COL4A5: variants seen among roughly 807,000 people sequenced by gnomAD.
COL4A5 encodes the protein collagen type IV alpha 5 chain, also known as collagen alpha-5(IV) chain.
Under a neutral mutation model 130.2 loss-of-function variants are expected in COL4A5, and 26 were observed. That is an observed-to-expected ratio of 0.20 (90% CI 0.15 to 0.28). COL4A5 has a LOEUF of 0.28. COL4A5 is among the 10% of genes least tolerant of loss of function. COL4A5 has a pLI of 1.00. For synonymous variants in COL4A5, 496 were observed against 439.6 expected (o/e 1.13, Z -1.60); for missense variants, 1,131 against 1,344.3 (o/e 0.84, Z 2.48).
At chrX:108,552,452 T>C (rs1420481404) in intron 2 of COL4A5, among the ~76,000 whole-genome samples, 1 of 111,806 alleles carries the variant, frequency 8.9e-6, no homozygotes, top group African/African-American at 3.2e-5. Context: ...ATAAAGTTGT[T>C]ATGAACATTT....
chrX:108,660,855 C>A (rs1238063724), intron 37 of COL4A5, among the ~76,000 whole-genome samples: 1 of 111,633 alleles, frequency 9.0e-6, no homozygotes, highest in Admixed American at 9.5e-5. Flanking sequence ...AACAACAAAC[C>A]ACGTATATGG....
intron 1 of COL4A5, among the ~76,000 whole-genome samples, chrX:108,475,501 A>G (rs1248000967): frequency 9.0e-6 from 1 of 111,632 alleles, no homozygotes; most frequent in Non-Finnish European, 1.9e-5. Flanking sequence ...CAGTGAGATC[A>G]GACATCCTCA....
chrX:108,593,473 C>T (rs974935508), intron 21 of COL4A5, among the ~76,000 whole-genome samples: 17 of 110,914 alleles, frequency 1.5e-4, no homozygotes, highest in Admixed American at 1.0e-3. Context: ...ACTTTTTATG[C>T]ACTGTTTTAG....
At position 108,568,774 on chromosome X, in the gene COL4A5, G is replaced by A. The variant is rs757442319; in HGVS notation, c.337G>A (p.Asp113Asn). The A allele has an allele frequency of 3.3e-6, 4 of 1,210,841 alleles. No individual in the cohort carries two copies. Among genetic ancestry groups the A allele is most frequent in the East Asian group, 3.0e-5 (1 of 33,812 alleles). Residue 113 changes from aspartate (D) to asparagine (N), a missense_variant, in exon 6 of 53, where the codon GAT becomes AAT. Physicochemically the swap from Asp to Asn is conservative, Grantham distance 23. Coordinates refer to ENST00000328300, the MANE Select transcript of COL4A5 (RefSeq NM_033380.3). ...TPGLPGMPGH[D>N]GAPGPQGIPG... The stretch of plus-strand genomic sequence containing the variant: ...CTTTTCAAAGGGAATGCCAGGCCAC[G>A]ATGGGGCCCCAGGACCTCAAGGTAT...
At chrX:108,588,106 G>A (rs780523851) in intron 19 of COL4A5, among the ~76,000 whole-genome samples, 13 of 110,481 alleles carry the variant, frequency 1.2e-4, no homozygotes, top group East Asian at 8.6e-4. Flanking sequence ...TTCTAATTTG[G>A]CCACAAATTG....
At chrX:108,692,171 A>C (rs1013834541) in intron 49 of COL4A5, among the ~76,000 whole-genome samples, 7 of 111,832 alleles carry the variant, frequency 6.3e-5, no homozygotes, top group Non-Finnish European at 1.3e-4. Flanking sequence ...ACTAGCTCTG[A>C]ATTTCAAAGA....
chrX:108,593,569 C>G lies in COL4A5; in HGVS notation c.1423+1925C>G, dbSNP rs778639401. On this transcript the variant is annotated intron_variant, in intron 21 of 52. Coordinates refer to ENST00000328300, the MANE Select transcript of COL4A5 (RefSeq NM_033380.3). ...ATTGTTTTACCTTTCACGTTTTGAT[C>G]TTTCTTCAATTAATTTTTGTGTATA... is the stretch of plus-strand genomic sequence containing the variant. 4.5e-5 allele frequency among the ~76,000 whole-genome samples: 5 copies of G among 111,110 alleles called. No individual in the cohort carries two copies. The South Asian group carries it at 1.9e-3, about 42-fold the overall frequency.
intron 37 of COL4A5, among the ~76,000 whole-genome samples, chrX:108,659,109 C>G (rs1183788193): frequency 9.0e-6 from 1 of 111,000 alleles, no homozygotes; most frequent in African/African-American, 3.3e-5. Flanking sequence ...TTTGATCATT[C>G]GGTTTAAGAT....
chrX:108,650,634 G>A (rs747043238), intron 36 of COL4A5, among the ~76,000 whole-genome samples: 17 of 110,767 alleles, frequency 1.5e-4, no homozygotes, highest in Middle Eastern at 4.6e-3. Flanking sequence ...GCAGCGACCC[G>A]GATGACATTG....
intron 36 of COL4A5, among the ~76,000 whole-genome samples, chrX:108,654,330 A>G (rs1159416425): frequency 9.3e-6 from 1 of 107,242 alleles, no homozygotes; most frequent in Non-Finnish European, 1.9e-5. Flanking sequence ...TTTCAATGTA[A>G]TTAAGGAGTT....
intron 37 of COL4A5, among the ~76,000 whole-genome samples, chrX:108,659,682 T>C (rs1259870777): frequency 9.0e-6 from 1 of 110,876 alleles, no homozygotes; most frequent in African/African-American, 3.3e-5. Flanking sequence ...TTCTTTGGAT[T>C]TTTCTTTGTC....
intron 1 of COL4A5, among the ~76,000 whole-genome samples, chrX:108,454,941 G>C (rs758551003): frequency 2.4e-3 from 267 of 111,501 alleles, no homozygotes; most frequent in Non-Finnish European, 4.5e-3. Flanking sequence ...GCAAATTTTA[G>C]GTATAATTGA....
chrX:108,695,384 T>C lies in COL4A5; in HGVS notation c.4939T>C (p.Tyr1647His), dbSNP rs1055532207. 2.5e-6 allele frequency: 3 copies of C among 1,211,744 alleles called. No individual in the cohort carries two copies. Among genetic ancestry groups the C allele is most frequent in the Non-Finnish European group, 2.2e-6 (2 of 895,417 alleles). ...TCATGGGAGGGGTACCTGTAACTAC[T>C]ATGCCAACTCCTACAGCTTTTGGCT... Reference protein sequence around the residue: ...ECHGRGTCNYYANSYSFWLAT... With the variant: ...ECHGRGTCNYHANSYSFWLAT... Residue 1647 changes from tyrosine to histidine, a missense_variant, in exon 52 of 53, where the codon TAT (tyrosine) becomes CAT (histidine). Physicochemically the swap from Tyr to His is moderately conservative, Grantham distance 83. Transcript: ENST00000328300.
rs1035585044 is a variant in COL4A5 at position 108,696,377 on chromosome X, A to G, written c.5075A>G (p.Ter1692=). 1 of 1,194,799 alleles carries G rather than the reference A, an allele frequency of 8.4e-7. No homozygotes were observed. Among genetic ancestry groups the G allele is most frequent in the Non-Finnish European group, 1.1e-6 (1 of 880,347 alleles). Reference sequence around the variant, plus strand: ...TGTCAAGTGTGCATGAAGAGGACATAACATTTTGAAGAATTCCTTTTGTGT... The same window carrying G: ...TGTCAAGTGTGCATGAAGAGGACATGACATTTTGAAGAATTCCTTTTGTGT... ...SRCQVCMKRT[*] The change falls in exon 53 of 53, where the codon TAA becomes TGA. Residue 1692 remains the stop codon, a stop_retained_variant. Transcript: ENST00000328300.
chrX:108,529,633 G>A (rs1198592749), intron 1 of COL4A5, among the ~76,000 whole-genome samples: 2 of 110,926 alleles, frequency 1.8e-5, no homozygotes, highest in Non-Finnish European at 3.8e-5. Context: ...AAAAAAACAT[G>A]ATGCAACTAT....
At chrX:108,571,318 C>G in intron 6 of COL4A5, 95 bp from the exon 7 acceptor site, 9 of 693,123 alleles carry the variant, frequency 1.3e-5, no homozygotes, top group Non-Finnish European at 2.1e-5. Flanking sequence ...TTCAAAATGG[C>G]TTTTATAGAA....
intron 1 of COL4A5, among the ~76,000 whole-genome samples, chrX:108,486,080 T>G (rs1288778948): frequency 9.0e-6 from 1 of 111,573 alleles, no homozygotes; most frequent in African/African-American, 3.3e-5. Flanking sequence ...TGCTTTCTGC[T>G]GTGACAGGGC....
At chrX:108,568,247 G>A (rs2066003594) in intron 4 of COL4A5, among the ~76,000 whole-genome samples, 1 of 110,906 alleles carries the variant, frequency 9.0e-6, no homozygotes, top group South Asian at 3.9e-4. Context: ...GAATTTTGGG[G>A]GTGATCACTA....
At chrX:108,583,345 A>G (rs2066281120) in intron 17 of COL4A5, among the ~76,000 whole-genome samples, 1 of 111,685 alleles carries the variant, frequency 9.0e-6, no homozygotes, top group African/African-American at 3.3e-5. Flanking sequence ...GTATGCAATT[A>G]TTGTCTGTAA....
Sources: gnomAD v4.1 joint callset for allele counts (sites outside exome capture counted in the v4.1 genomes callset) on GRCh38, gnomAD v4.1.1 for gene constraint, MANE v1.5 for transcripts, NCBI Gene and HGNC (gene_info 2026-07-23, HGNC 2026-07-21) for gene names.